TMEM178B: variants seen among roughly 807,000 people sequenced by gnomAD.
TMEM178B encodes transmembrane protein 178B.
A neutral mutation model predicts 31.0 loss-of-function variants in TMEM178B; 5 were observed. The observed-to-expected ratio is 0.16, with a 90% CI of 0.08 to 0.34. The LOEUF (loss-of-function observed/expected upper bound fraction) is 0.34. TMEM178B is among the 10% of genes least tolerant of loss of function. The pLI is 1.00. For synonymous variants in TMEM178B, 164 were observed against 164.0 expected (o/e 1.00, Z 0.00); for missense variants, 275 against 400.3 (o/e 0.69, Z 2.67).
chr7:141,437,498 C>T, intron 2 of TMEM178B, 110 bp from the exon 3 acceptor site: 1 of 1,428,388 alleles, frequency 7.0e-7, no homozygotes, highest in Middle Eastern at 2.5e-4. Context: ...AGGTTGCCTT[C>T]CTGCTCCTGG....
intron 2 of TMEM178B, among the ~76,000 whole-genome samples, chr7:141,328,007 T>C (rs549601064): frequency 5.9e-5 from 9 of 152,146 alleles, no homozygotes; most frequent in Non-Finnish European, 1.3e-4. Flanking sequence ...CTGGGAGTAT[T>C]TAGCCAGCTT....
chr7:141,311,475 T>A (rs779612163), intron 2 of TMEM178B, among the ~76,000 whole-genome samples: 5 of 152,220 alleles, frequency 3.3e-5, no homozygotes, highest in African/African-American at 4.8e-5. Flanking sequence ...TCTAACTAAT[T>A]TATTAGAGTT....
intron 2 of TMEM178B, among the ~76,000 whole-genome samples, chr7:141,218,696 C>T (rs1797202763): frequency 6.6e-6 from 1 of 152,250 alleles, no homozygotes; most frequent in Non-Finnish European, 1.5e-5. Flanking sequence ...CACCCTCTCC[C>T]TTTCCAGAAT....
chr7:141,333,608 G>C (rs1255518462), intron 2 of TMEM178B, among the ~76,000 whole-genome samples: 3 of 152,214 alleles, frequency 2.0e-5, no homozygotes, highest in African/African-American at 2.4e-5. Context: ...CAGGAGGGGT[G>C]CTGGAGGAGC....
At chr7:141,144,381 T>C (rs562505646) in intron 1 of TMEM178B, among the ~76,000 whole-genome samples, 5 of 152,372 alleles carry the variant, frequency 3.3e-5, no homozygotes, top group Admixed American at 2.6e-4. Context: ...ACTAAAGTTT[T>C]TTCTTATGCC....
intron 2 of TMEM178B, among the ~76,000 whole-genome samples, chr7:141,257,885 T>C (rs1797952795): frequency 6.6e-6 from 1 of 151,968 alleles, no homozygotes; most frequent in Non-Finnish European, 1.5e-5. Context: ...TTCTTTTCTA[T>C]ATGGTCTCCT....
intron 1 of TMEM178B, among the ~76,000 whole-genome samples, chr7:141,112,741 C>T (rs527743352): frequency 7.2e-5 from 11 of 152,256 alleles, no homozygotes; most frequent in East Asian, 5.8e-4. Flanking sequence ...CAAAGAGTGG[C>T]GCTCTCTCTT....
At chr7:141,399,815 G>T (rs991598845) in intron 2 of TMEM178B, among the ~76,000 whole-genome samples, 1 of 152,076 alleles carries the variant, frequency 6.6e-6, no homozygotes, top group African/African-American at 2.4e-5. Flanking sequence ...TGGCCCTAGG[G>T]ATTTTCTACT....
chr7:141,268,396 G>T (rs967032842), intron 2 of TMEM178B, among the ~76,000 whole-genome samples: 4 of 152,206 alleles, frequency 2.6e-5, no homozygotes, highest in African/African-American at 9.7e-5. Flanking sequence ...TTTAAGAAGG[G>T]TTGAGACAAT....
At chr7:141,432,963 G>C (rs1178183030) in intron 2 of TMEM178B, among the ~76,000 whole-genome samples, 1 of 152,182 alleles carries the variant, frequency 6.6e-6, no homozygotes, top group Non-Finnish European at 1.5e-5. Flanking sequence ...CCAGTCTCTA[G>C]GCTGGAGGGC....
At chr7:141,102,037 C>T (rs899333495) in intron 1 of TMEM178B, among the ~76,000 whole-genome samples, 1 of 151,340 alleles carries the variant, frequency 6.6e-6, no homozygotes, top group African/African-American at 2.4e-5. Context: ...TGAGACTCAG[C>T]GAAAAACAGG....
intron 1 of TMEM178B, among the ~76,000 whole-genome samples, chr7:141,121,583 A>C: frequency 6.6e-6 from 1 of 152,114 alleles, no homozygotes; most frequent in Non-Finnish European, 1.5e-5. Context: ...GCCTCTTTAA[A>C]AAGGGTGTGC....
At chr7:141,369,316 C>CGTGTGTGTGTGTGTGTGTGT (rs55960871) in intron 2 of TMEM178B, among the ~76,000 whole-genome samples, 1 of 138,350 alleles carries the variant, frequency 7.2e-6, no homozygotes, top group Non-Finnish European at 1.6e-5. Context: ...TCCGCGCCGA[C>CGTGTGTGTGTGTGTGTGTGT]GTGTGTGTGT....
At position 141,411,378 on chromosome 7, in the gene TMEM178B, A is replaced by G. The variant is rs376853473; in HGVS notation, c.497-26230A>G. Among the ~76,000 whole-genome samples, 3 of 152,302 alleles carry G rather than the reference A, an allele frequency of 2.0e-5. No individual in the cohort carries two copies. In the East Asian group the frequency reaches 5.8e-4, roughly 29 times the overall value. On this transcript the variant is annotated intron_variant, in intron 2 of 3. Transcript: ENST00000565468. Reference sequence around the variant, plus strand: ...TTGCGCAACAGTATGAATGTGTTTCATGCCATCAAACTGTATATTTTTTAA... The same window carrying G: ...TTGCGCAACAGTATGAATGTGTTTCGTGCCATCAAACTGTATATTTTTTAA...
At chr7:141,123,053 C>G (rs1795434829) in intron 1 of TMEM178B, among the ~76,000 whole-genome samples, 1 of 152,236 alleles carries the variant, frequency 6.6e-6, no homozygotes, top group Non-Finnish European at 1.5e-5. Context: ...GCTGCTTCTG[C>G]TTCTTCTCCT....
intron 1 of TMEM178B, among the ~76,000 whole-genome samples, chr7:141,168,183 G>A (rs1454266955): frequency 1.3e-5 from 2 of 152,120 alleles, no homozygotes; most frequent in Admixed American, 1.3e-4. Flanking sequence ...ACCTAGCTGG[G>A]TTGTCTCTCT....
chr7:141,187,650 G>T (rs1295385723), intron 1 of TMEM178B, among the ~76,000 whole-genome samples: 1 of 152,174 alleles, frequency 6.6e-6, no homozygotes, highest in Admixed American at 6.5e-5. Context: ...GGTGTGAGAT[G>T]GTATCTCATT....
intron 1 of TMEM178B, among the ~76,000 whole-genome samples, chr7:141,102,284 G>A (rs886688943): frequency 3.3e-5 from 5 of 152,170 alleles, no homozygotes; most frequent in Non-Finnish European, 7.3e-5. Context: ...TGGGTAAAGA[G>A]TTTCACTATC....
At chr7:141,297,416 TTACATATGTA>T (rs941923097) in intron 2 of TMEM178B, among the ~76,000 whole-genome samples, 1 of 152,184 alleles carries the variant, frequency 6.6e-6, no homozygotes, top group African/African-American at 2.4e-5. Context: ...TGCAGGTCTG[TTACATATGTA>T]TACATGTGCA....
Sources: allele counts gnomAD v4.1 joint callset (sites outside exome capture counted in the v4.1 genomes callset), GRCh38; gene constraint gnomAD v4.1.1; transcripts MANE v1.5; gene names NCBI Gene and HGNC (gene_info 2026-07-23, HGNC 2026-07-21).